ADAM2: variants seen among roughly 807,000 people sequenced by gnomAD.
ADAM2 encodes the protein disintegrin and metalloproteinase domain-containing protein 2.
ADAM2 carries 101 observed loss-of-function variants against 99.3 expected under a neutral mutation model. The observed-to-expected ratio is 1.02, with a 90% CI of 0.87 to 1.20. The LOEUF (loss-of-function observed/expected upper bound fraction) is 1.20, where lower values mean the gene tolerates loss of function less well. Ranked by LOEUF, ADAM2 falls within the 50% of genes most tolerant of loss-of-function variation. The pLI, the probability that ADAM2 is intolerant of heterozygous loss-of-function variation, is 0.00. For missense variants in ADAM2, 948 were observed against 878.7 expected, an observed-to-expected ratio of 1.08 and a Z score of -1.00; for synonymous variants, 323 against 287.6, an observed-to-expected ratio of 1.12 and a Z score of -1.25.
At chr8:39,752,078 A>G (rs1345397214) in intron 16 of ADAM2, among the ~76,000 whole-genome samples, 1 of 152,152 alleles carries the variant, frequency 6.6e-6, no homozygotes, top group Non-Finnish European at 1.5e-5. Context: ...TAGTTGTACC[A>G]GAGATAAAAA....
intron 6 of ADAM2, among the ~76,000 whole-genome samples, chr8:39,813,907 T>A (rs1028380137): frequency 6.6e-6 from 1 of 151,238 alleles, no homozygotes; most frequent in Non-Finnish European, 1.5e-5. Context: ...CCCTAGAACT[T>A]AAAGTATAAT....
At chr8:39,815,271 T>C (rs967586038) in intron 6 of ADAM2, among the ~76,000 whole-genome samples, 3 of 152,176 alleles carry the variant, frequency 2.0e-5, no homozygotes, top group Non-Finnish European at 4.4e-5. Context: ...TAAGGAGATA[T>C]GATTATGTTC....
intron 1 of ADAM2, 132 bp downstream of exon 1, chr8:39,837,999 G>C (rs1484471736): frequency 8.4e-6 from 8 of 957,660 alleles, no homozygotes; most frequent in Non-Finnish European, 1.3e-5. Context: ...CAATGTCGGG[G>C]ATGAGCTTGG....
intron 3 of ADAM2, among the ~76,000 whole-genome samples, chr8:39,833,644 A>C (rs1180391825): frequency 6.6e-6 from 1 of 152,112 alleles, no homozygotes; most frequent in Non-Finnish European, 1.5e-5. Context: ...AAGAACTTAA[A>C]AATAAGCCAT....
At chr8:39,796,806 T>C (rs900872583) in intron 7 of ADAM2, among the ~76,000 whole-genome samples, 2 of 152,228 alleles carry the variant, frequency 1.3e-5, no homozygotes, top group African/African-American at 4.8e-5. Flanking sequence ...TGTGGAGCTT[T>C]TTTTTCCATA....
At chr8:39,778,391 G>T (rs1803083988) in intron 10 of ADAM2, among the ~76,000 whole-genome samples, 1 of 152,034 alleles carries the variant, frequency 6.6e-6, no homozygotes, top group South Asian at 2.1e-4. Context: ...AGAAGAGAAT[G>T]AGATGTGAAT....
chr8:39,808,913 C>T (rs1246114301), intron 7 of ADAM2, among the ~76,000 whole-genome samples: 1 of 151,902 alleles, frequency 6.6e-6, no homozygotes, highest in Non-Finnish European at 1.5e-5. Context: ...GAGACTCCAT[C>T]ACAAAAAATA....
At chr8:39,814,366 A>T (rs1804845912) in intron 6 of ADAM2, among the ~76,000 whole-genome samples, 1 of 152,070 alleles carries the variant, frequency 6.6e-6, no homozygotes, top group African/African-American at 2.4e-5. Flanking sequence ...CTCAGAAAAA[A>T]AAAAAAAATC....
intron 7 of ADAM2, among the ~76,000 whole-genome samples, chr8:39,791,675 G>A (rs1803721314): frequency 6.6e-6 from 1 of 152,052 alleles, no homozygotes; most frequent in Admixed American, 6.6e-5. Flanking sequence ...GTCCTTTTGT[G>A]TTGTAGCAAA....
At chr8:39,767,290 T>C in intron 12 of ADAM2, 39 bp from the exon 13 acceptor site, 1 of 1,513,218 alleles carries the variant, frequency 6.6e-7, no homozygotes, top group Non-Finnish European at 9.1e-7. Context: ...ATTTTCCAAC[T>C]TGTATTCATA....
chr8:39,753,162 C>T (rs1279903100), intron 16 of ADAM2, among the ~76,000 whole-genome samples: 2 of 152,052 alleles, frequency 1.3e-5, no homozygotes, highest in East Asian at 1.9e-4. Flanking sequence ...GATCAAAATG[C>T]GCTTAGTGAT....
chr8:39,759,578 A>T (rs1468346956), intron 15 of ADAM2, among the ~76,000 whole-genome samples: 2 of 152,180 alleles, frequency 1.3e-5, no homozygotes, highest in Non-Finnish European at 2.9e-5. Context: ...AAACACATGG[A>T]TATATTGAGG....
intron 7 of ADAM2, among the ~76,000 whole-genome samples, chr8:39,807,861 A>G (rs1211033717): frequency 6.6e-6 from 1 of 152,210 alleles, no homozygotes; most frequent in Non-Finnish European, 1.5e-5. Flanking sequence ...TGATATAATG[A>G]CCAAAAATTC....
chr8:39,838,014 G>A, intron 1 of ADAM2, 117 bp downstream of exon 1: 2 of 1,119,496 alleles, frequency 1.8e-6, no homozygotes, highest in African/African-American at 1.5e-5. Flanking sequence ...GCTTGGAATT[G>A]CTGAGTTGGA....
chr8:39,826,505 C>T (rs866316441), intron 3 of ADAM2, among the ~76,000 whole-genome samples: 3 of 152,082 alleles, frequency 2.0e-5, no homozygotes, highest in Middle Eastern at 3.4e-3. Context: ...GGGTAGATCA[C>T]GAGGTCGGGA....
rs1182198921 is a variant in ADAM2 at position 39,743,781 on chromosome 8, T to A, written c.*314A>T. 1 of 152,172 alleles carries A rather than the reference T, an allele frequency of 6.6e-6. No homozygotes were observed. Among genetic ancestry groups the A allele is most frequent in the Non-Finnish European group, 1.5e-5 (1 of 67,992 alleles). 9.4% of individuals were successfully genotyped at this position (152,172 alleles called of 1,614,324 possible). ...TTAATCATAGTACCACCTCATTACATTATGATATTTCCTTATACCATGCCC... is the reference window on the plus strand; with the variant it reads ...TTAATCATAGTACCACCTCATTACAATATGATATTTCCTTATACCATGCCC... On this transcript the variant is annotated 3_prime_UTR_variant, in exon 21 of 21. Transcript: ENST00000265708.
intron 11 of ADAM2, among the ~76,000 whole-genome samples, chr8:39,772,324 C>T (rs79008475): frequency 6.6e-6 from 1 of 151,724 alleles, no homozygotes; most frequent in Non-Finnish European, 1.5e-5. Flanking sequence ...AATGAGTGAA[C>T]ATATATAGAA....
At chr8:39,769,684 TGTGA>T (rs1162358026) in intron 11 of ADAM2, 109 bp from the exon 12 acceptor site, 1 of 659,874 alleles carries the variant, frequency 1.5e-6, no homozygotes, top group African/African-American at 1.8e-5. Flanking sequence ...TTCCCAAGTC[TGTGA>T]GTGTCAATGC....
At chr8:39,767,088 T>C (rs775947708) in intron 13 of ADAM2, 45 bp from the exon 14 acceptor site, 2 of 1,601,072 alleles carry the variant, frequency 1.2e-6, no homozygotes, top group Non-Finnish European at 1.7e-6. Flanking sequence ...AGAATGAGAA[T>C]ACATAAGCAT....
Sources: allele counts gnomAD v4.1 joint callset (sites outside exome capture counted in the v4.1 genomes callset), GRCh38; gene constraint gnomAD v4.1.1; transcripts MANE v1.5; gene names NCBI Gene and HGNC (gene_info 2026-07-23, HGNC 2026-07-21).